ZNF639: variants seen among roughly 807,000 people sequenced by gnomAD.
ZNF639 encodes the protein zinc finger amplified in esophageal squamous cell carcinomas 1.
In ZNF639, 20 loss-of-function variants were observed where a neutral mutation model predicts 39.8. That is an observed-to-expected ratio of 0.50 (90% CI 0.35 to 0.73). The LOEUF (loss-of-function observed/expected upper bound fraction) is 0.73. Among genes scored for constraint, ZNF639 ranks in the 30% least tolerant of loss-of-function variants. The probability of loss-of-function intolerance (pLI) is 0.00; values close to 1 mark genes in which losing one functional copy is unlikely to be tolerated. For synonymous variants in ZNF639, 176 were observed against 189.8 expected, an observed-to-expected ratio of 0.93 and a Z score of 0.60; for missense variants, 477 against 566.2, an observed-to-expected ratio of 0.84 and a Z score of 1.60.
chr3:179,331,944 A>G (rs114181827), intron 4 of ZNF639, among the ~76,000 whole-genome samples: 2,375 of 152,246 alleles, frequency 0.016, 67 homozygotes, highest in African/African-American at 0.054. Flanking sequence ...CCAGTAATCC[A>G]TAATTCCAGC....
In ZNF639 at chr3:179,329,650, T is replaced by G. The variant is rs1369589128; in HGVS notation, c.91T>G (p.Phe31Val). Residue 31 changes from phenylalanine (F) to valine (V), a missense_variant, in exon 4 of 6, where the codon TTC (phenylalanine) becomes GTC (valine). By Grantham distance (50) the Phe-to-Val change is conservative. Coordinates refer to ENST00000496856, the MANE Select transcript of ZNF639 (RefSeq NM_001303426.2). ...SSGISRIADG[F>V]NGIFSDHCYS... ...TGGAATAAGCAGAATTGCAGATGGA[T>G]TCAATGGAATTTTCTCTGATCATTG... The G allele has an allele frequency of 6.2e-7, 1 of 1,609,244 alleles. No homozygotes were observed. Among genetic ancestry groups the G allele is most frequent in the Non-Finnish European group, 8.5e-7 (1 of 1,177,570 alleles).
In ZNF639 at chr3:179,333,733, G is replaced by T. The variant is rs1045860; in HGVS notation, c.769G>T (p.Glu257Ter). 6.2e-7 allele frequency: 1 copy of T among 1,614,160 alleles called. No individual in the cohort carries two copies. Among genetic ancestry groups the T allele is most frequent in the Non-Finnish European group, 8.5e-7 (1 of 1,180,026 alleles). ...GATAGAACATGCCAAACTGCATGAA[G>T]AGGATCCCTACATTTGTAAATACTG... is the stretch of plus-strand genomic sequence containing the variant. ...LLIEHAKLHE[E>*]DPYICKYCDY... Residue 257 changes from glutamate (E) to a stop codon, truncating the protein, a stop_gained, in exon 6 of 6, where the codon GAG becomes TAG. Coordinates refer to ENST00000496856, the MANE Select transcript of ZNF639 (RefSeq NM_001303426.2). LOFTEE classifies it high-confidence loss of function.
At chr3:179,332,135 AG>A (rs1406498057) in intron 4 of ZNF639, among the ~76,000 whole-genome samples, 1 of 152,188 alleles carries the variant, frequency 6.6e-6, no homozygotes, top group Non-Finnish European at 1.5e-5. Context: ...TTAAAAACTA[AG>A]GGCATTTAGA....
rs1728076235 is a variant in ZNF639 at position 179,334,007 on chromosome 3, G to A, written c.1043G>A (p.Ser348Asn). Residue 348 changes from serine to asparagine, a missense_variant, in exon 6 of 6, where the codon AGT becomes AAT. By Grantham distance (46) the Ser-to-Asn change is conservative. Coordinates refer to ENST00000496856, the MANE Select transcript of ZNF639 (RefSeq NM_001303426.2). ...NEHACKLIEL[S>N]DKYNNGEHGQ... is the part of the protein sequence containing the mutation. ...CATGCATGTAAATTAATAGAGTTAA[G>A]TGATAAGTATAACAATGGTGAACAT... 1 of 1,614,178 alleles carries A rather than the reference G, an allele frequency of 6.2e-7. No homozygotes were observed.
rs778271926 is a variant in ZNF639, at chr3:179,338,324, C to T, written c.*3902C>T. The T allele has an allele frequency of 6.6e-6, 1 of 152,158 alleles. No individual in the cohort carries two copies. The highest frequency in any genetic ancestry group is 2.4e-5 in the African/African-American group (1 of 41,448). 9.4% of individuals were successfully genotyped at this position (152,158 alleles called of 1,614,324 possible). ...CTTGCTGTTTTAAATCTTCATCTTA[C>T]AATGAGTTATTTTGAAATTCCAAAA... is the stretch of plus-strand genomic sequence containing the variant. On this transcript the variant is annotated 3_prime_UTR_variant, in exon 6 of 6. Transcript: ENST00000496856.
intron 4 of ZNF639, among the ~76,000 whole-genome samples, chr3:179,331,636 G>A (rs755620303): frequency 1.3e-4 from 20 of 151,974 alleles, no homozygotes; most frequent in African/African-American, 4.8e-4. Context: ...TTAGCTGGGC[G>A]TGGTGGTGCG....
chr3:179,329,401 TTGTTA>T (rs1378097772), intron 3 of ZNF639, among the ~76,000 whole-genome samples: 1 of 152,218 alleles, frequency 6.6e-6, no homozygotes, highest in Non-Finnish European at 1.5e-5. Context: ...TATTTCAAAG[TTGTTA>T]TGTTTTAGAG....
intron 1 of ZNF639, 123 bp downstream of exon 1, chr3:179,323,414 T>G: frequency 1.0e-6 from 1 of 981,436 alleles, no homozygotes; most frequent in Non-Finnish European, 1.2e-6. Context: ...ACGGAAACTC[T>G]GCCTTCGTTA....
At position 179,329,582 on chromosome 3, in the gene ZNF639, TTACTG is replaced by T. The variant is rs529177934; in HGVS notation, c.59-31_59-27del. ...GAAGTTTCTCATTAAATATGTATGT[TTACTG>T]TACTTGAAATATTTTTCATTTTATG... On this transcript the variant is annotated intron_variant, in intron 3 of 5. Transcript: ENST00000496856. The T allele has an allele frequency of 4.6e-5, 57 of 1,232,282 alleles. No individual in the cohort carries two copies. In the South Asian group the frequency reaches 6.2e-4, roughly 13 times the overall value. 76.3% of individuals were successfully genotyped at this position (1,232,282 alleles called of 1,614,324 possible).
intron 3 of ZNF639, among the ~76,000 whole-genome samples, chr3:179,329,168 A>G (rs923256316): frequency 6.6e-6 from 1 of 152,182 alleles, no homozygotes; most frequent in African/African-American, 2.4e-5. Flanking sequence ...TGAAGAAATT[A>G]ACCCTAGTAT....
chr3:179,323,040 G>C lies in ZNF639; in HGVS notation c.-334G>C, dbSNP rs1229990589. The C allele has an allele frequency of 2.0e-6, 2 of 984,970 alleles. No individual in the cohort carries two copies. Among genetic ancestry groups the C allele is most frequent in the Admixed American group, 1.2e-4 (2 of 16,206 alleles). 61.0% of individuals were successfully genotyped at this position (984,970 alleles called of 1,614,324 possible). On this transcript the variant is annotated 5_prime_UTR_variant, in exon 1 of 6. Coordinates refer to ENST00000496856, the MANE Select transcript of ZNF639 (RefSeq NM_001303426.2). ...CTCTCGGCGGGCCCCTGAGGTGCGC[G>C]GCGCAGGCGCGGAGCGTGGCGGCCA...
At chr3:179,333,200 T>G in intron 5 of ZNF639, 69 bp from the exon 6 acceptor site, 1 of 1,555,784 alleles carries the variant, frequency 6.4e-7, no homozygotes, top group African/African-American at 1.4e-5. Flanking sequence ...ATAAATTTTT[T>G]TTTGCCCAGT....
intron 1 of ZNF639, among the ~76,000 whole-genome samples, chr3:179,325,914 C>T (rs944023502): frequency 2.6e-5 from 4 of 152,012 alleles, no homozygotes; most frequent in Non-Finnish European, 5.9e-5. Flanking sequence ...ACTGAAAAAG[C>T]ACTATCTCAT....
intron 3 of ZNF639, among the ~76,000 whole-genome samples, chr3:179,328,921 G>A (rs1160077857): frequency 2.0e-5 from 3 of 151,926 alleles, no homozygotes; most frequent in East Asian, 1.9e-4. Context: ...GATTACAGGC[G>A]TGTACCGCCA....
rs1711501453 is a variant in ZNF639, at chr3:179,335,311, C to G, written c.*889C>G. On this transcript the variant is annotated 3_prime_UTR_variant, in exon 6 of 6. Coordinates refer to ENST00000496856, the MANE Select transcript of ZNF639 (RefSeq NM_001303426.2). ...CTCGCTATGTTGCCCAGGCCAGTCT[C>G]AAACTCCTGGACTCAAGCAATCCTC... The G allele has an allele frequency of 6.6e-6, 1 of 152,156 alleles. No homozygotes were observed. Among genetic ancestry groups the G allele is most frequent in the South Asian group, 2.1e-4 (1 of 4,820 alleles). The allele number at this position is 152,156 out of a possible 1,614,324, so 9.4% of individuals were successfully genotyped here. A position where few individuals can be genotyped will look rare whatever the true frequency, so the allele number is the denominator to read the frequency against.
chr3:179,331,556 A>G (rs1387275045), intron 4 of ZNF639, among the ~76,000 whole-genome samples: 1 of 152,184 alleles, frequency 6.6e-6, no homozygotes, highest in African/African-American at 2.4e-5. Context: ...AGGCAGGCAG[A>G]TCACCTGAGG....
In ZNF639 at chr3:179,333,684, A is replaced by C. The variant is rs35983049; in HGVS notation, c.720A>C (p.Glu240Asp). 6.2e-7 allele frequency: 1 copy of C among 1,613,920 alleles called. No individual in the cohort carries two copies. Among genetic ancestry groups the C allele is most frequent in the Non-Finnish European group, 8.5e-7 (1 of 1,179,980 alleles). Residue 240 changes from glutamate (E) to aspartate (D), a missense_variant, in exon 6 of 6, where the codon GAA becomes GAC. By Grantham distance (45) the Glu-to-Asp change is conservative. Coordinates refer to ENST00000496856, the MANE Select transcript of ZNF639 (RefSeq NM_001303426.2). ...TDSNVCRVCKESFSTNMLLIE... is the reference protein window; with the variant it reads ...TDSNVCRVCKDSFSTNMLLIE... ...CAAATGTGTGTCGAGTATGCAAGGA[A>C]AGTTTCTCTACCAATATGCTTCTGA...
At chr3:179,324,064 G>A (rs900046549) in intron 1 of ZNF639, among the ~76,000 whole-genome samples, 6 of 152,076 alleles carry the variant, frequency 3.9e-5, no homozygotes, top group Non-Finnish European at 7.4e-5. Context: ...CCTGCAACAT[G>A]TTTTTGTTTC....
chr3:179,330,575 G>T (rs950447922), intron 4 of ZNF639, among the ~76,000 whole-genome samples: 1 of 152,192 alleles, frequency 6.6e-6, no homozygotes, highest in East Asian at 1.9e-4. Context: ...TGTGAGCCAC[G>T]GCTCTCAGCC....
Sources: gnomAD v4.1 joint callset for allele counts (sites outside exome capture counted in the v4.1 genomes callset) on GRCh38, gnomAD v4.1.1 for gene constraint, MANE v1.5 for transcripts, NCBI Gene and HGNC (gene_info 2026-07-23, HGNC 2026-07-21) for gene names.